CHAT: variants seen among roughly 807,000 people sequenced by gnomAD.
CHAT encodes choline O-acetyltransferase.
CHAT carries 61 observed loss-of-function variants against 76.9 expected under a neutral mutation model. That is an observed-to-expected ratio of 0.79 (90% CI 0.65 to 0.98). CHAT has a LOEUF of 0.98. Among genes scored for constraint, CHAT ranks in the 50% least tolerant of loss-of-function variants. The probability of loss-of-function intolerance (pLI) is 0.00; values close to 1 mark genes in which losing one functional copy is unlikely to be tolerated. For synonymous variants in CHAT, 407 were observed against 397.4 expected (o/e 1.02, Z -0.29); for missense variants, 946 against 986.9 (o/e 0.96, Z 0.56).
rs780662703 is a variant in CHAT at position 49,665,008 on chromosome 10, G to A, written c.2209G>A (p.Glu737Lys). The change falls in exon 15 of 15, where the codon GAA (glutamate) becomes AAA (lysine). Residue 737 changes from glutamate to lysine, a missense_variant. Around this residue, in one of 3 missense-constraint regions of CHAT, gnomAD observed 349 missense variants for 393.9 expected, o/e 0.89. Transcript: ENST00000337653. Reference protein sequence around the residue: ...PTESKPLATKEKATRPSQGHQ... With the variant: ...PTESKPLATKKKATRPSQGHQ... ...TGAGAGCAAGCCATTGGCAACAAAG[G>A]AAAAAGCCACGAGGCCCAGCCAGGG... 6.2e-7 allele frequency: 1 copy of A among 1,614,158 alleles called. No individual in the cohort carries two copies. Among genetic ancestry groups the A allele is most frequent in the Non-Finnish European group, 8.5e-7 (1 of 1,180,038 alleles).
chr10:49,616,600 T>C lies in CHAT; in HGVS notation c.385T>C (p.Ser129Pro). Residue 129 changes from serine (S) to proline (P), a missense_variant and splice_region_variant, in exon 2 of 15, where the codon TCT (serine) becomes CCT (proline). Around this residue, in one of 3 missense-constraint regions of CHAT, gnomAD observed 548 missense variants for 516.2 expected, o/e 1.06. Coordinates refer to ENST00000337653, the MANE Select transcript of CHAT (RefSeq NM_020549.5). ...AGCAAAAACTCCCAGCAGTGAGGAG[T>C]CTGTGAGTGACTTTTGGAGCCCTCT... Reference protein sequence around the residue: ...MAAKTPSSEESGLPKLPVPPL... With the variant: ...MAAKTPSSEEPGLPKLPVPPL... 1.2e-6 allele frequency: 2 copies of C among 1,602,354 alleles called. No individual in the cohort carries two copies. The highest frequency in any genetic ancestry group is 1.7e-6 in the Non-Finnish European group (2 of 1,171,928).
chr10:49,609,802 C>A (rs891474380), upstream of CHAT, among the ~76,000 whole-genome samples: 2 of 152,272 alleles, frequency 1.3e-5, no homozygotes, highest in African/African-American at 4.8e-5. Flanking sequence ...CAGCGCTCCT[C>A]CGGACGCGGC....
intron 7 of CHAT, chr10:49,637,462 A>G (rs544883418): frequency 6.6e-6 from 1 of 152,214 alleles, no homozygotes; most frequent in Non-Finnish European, 1.5e-5. Flanking sequence ...TGATTGGATC[A>G]TGAGAGCGGT....
rs3793799 is a variant in CHAT, at chr10:49,663,500, A to G, written c.1977+718A>G. ...ATGGACAGGGCCCTCTAAATAGGTC[A>G]CAGATATTATTATAAAGGGCCACGC... On this transcript the variant is annotated intron_variant, in intron 14 of 14. Transcript: ENST00000337653. Among the ~76,000 whole-genome samples, 198 of 152,318 alleles carry G rather than the reference A, an allele frequency of 1.3e-3. 4 individuals are homozygous for G. The East Asian group carries it at 0.035, about 27-fold the overall frequency.
intron 7 of CHAT, among the ~76,000 whole-genome samples, chr10:49,635,486 GTT>G (rs1347354408): frequency 2.0e-5 from 3 of 152,278 alleles, no homozygotes; most frequent in Non-Finnish European, 4.4e-5. Flanking sequence ...AGTATGTTTA[GTT>G]TTTTAAGAAA....
At chr10:49,621,024 A>G (rs1247243899) in intron 4 of CHAT, among the ~76,000 whole-genome samples, 1 of 152,220 alleles carries the variant, frequency 6.6e-6, no homozygotes, top group Admixed American at 6.5e-5. Flanking sequence ...CAGAGGCCCC[A>G]GAAGGCTGGA....
At position 49,658,724 on chromosome 10, in the gene CHAT, A is replaced by G. The variant is rs867969822; in HGVS notation, c.1839+3276A>G. ...ACTCCTTCTCAAAAAACAAACAAAC[A>G]AACAAAAACTTGAAATGAAAAAAGT... is the stretch of plus-strand genomic sequence containing the variant. On this transcript the variant is annotated intron_variant, in intron 13 of 14. Transcript: ENST00000337653. 8.5e-5 allele frequency among the ~76,000 whole-genome samples: 13 copies of G among 152,348 alleles called. No individual in the cohort carries two copies. In the Middle Eastern group the frequency reaches 0.01, roughly 120 times the overall value.
intron 13 of CHAT, among the ~76,000 whole-genome samples, chr10:49,660,079 A>G (rs987613734): frequency 2.0e-5 from 3 of 152,210 alleles, no homozygotes; most frequent in African/African-American, 7.2e-5. Context: ...CAAACTACAA[A>G]GAGTTAAAAC....
chr10:49,642,514 C>A (rs978725614), intron 7 of CHAT, among the ~76,000 whole-genome samples: 5 of 152,246 alleles, frequency 3.3e-5, no homozygotes, highest in African/African-American at 1.2e-4. Flanking sequence ...GCCTCCCCTG[C>A]CTGGAGGTGA....
chr10:49,654,358 T>C (rs4838547), intron 11 of CHAT, among the ~76,000 whole-genome samples: 65,869 of 152,082 alleles, frequency 0.43, 14,541 homozygotes, highest in East Asian at 0.69. Flanking sequence ...CTGGGTGACA[T>C]TGGGCTGTCA....
chr10:49,612,271 C>G (rs139485937), upstream of CHAT: 4 of 1,611,072 alleles, frequency 2.5e-6, no homozygotes, highest in Middle Eastern at 1.6e-4. Flanking sequence ...GGACGGCGAG[C>G]CTCGCAGCCC....
upstream of CHAT, among the ~76,000 whole-genome samples, chr10:49,612,895 G>C (rs760017698): frequency 1.3e-5 from 2 of 152,210 alleles, no homozygotes; most frequent in Non-Finnish European, 1.5e-5. Context: ...CCCAACAAAG[G>C]CTGTCACCCA....
rs545102380 is a variant in CHAT at position 49,623,037 on chromosome 10, C to G, written c.752+887C>G. Among the ~76,000 whole-genome samples the G allele has an allele frequency of 5.3e-5, 8 of 152,248 alleles. No individual in the cohort carries two copies. In the South Asian group the frequency reaches 1.7e-3, roughly 32 times the overall value. ...GTCAGGGTGGAGCAGTTCAGGCTGT[C>G]CAGGGCATTCTGCACCACACGCTCC... On this transcript the variant is annotated intron_variant, in intron 5 of 14. Transcript: ENST00000337653.
At chr10:49,639,096 G>A (rs371476530) in intron 7 of CHAT, among the ~76,000 whole-genome samples, 201 of 152,172 alleles carry the variant, frequency 1.3e-3, no homozygotes, top group African/African-American at 4.4e-3. Flanking sequence ...TTAGCCTGGC[G>A]TGGTGGCAGG....
chr10:49,663,249 A>ATT, intron 14 of CHAT, among the ~76,000 whole-genome samples: 1 of 152,242 alleles, frequency 6.6e-6, no homozygotes, highest in South Asian at 2.1e-4. Context: ...AAAAAGGAAG[A>ATT]AGAAGGTTTC....
chr10:49,652,133 T>C (rs1363219094), intron 11 of CHAT, 127 bp downstream of exon 11: 5 of 1,258,616 alleles, frequency 4.0e-6, no homozygotes, highest in Non-Finnish European at 5.7e-6. Flanking sequence ...GGAGAGGGAC[T>C]GAGGCTGCAT....
At chr10:49,611,457 C>T (rs770074384), upstream of CHAT, 2 of 1,598,416 alleles carry the variant, frequency 1.3e-6, no homozygotes, top group South Asian at 2.2e-5. Flanking sequence ...ATGAGTTCGC[C>T]GGCAAGCGCG....
intron 4 of CHAT, 108 bp downstream of exon 4, chr10:49,620,721 C>T (rs1838676280): frequency 7.9e-6 from 7 of 884,664 alleles, no homozygotes; most frequent in Non-Finnish European, 1.1e-5. Context: ...GGCTGAGCTT[C>T]CTGGGGTCAA....
Position 49,625,661 on chromosome 10 carries a change from A to T in CHAT, c.933+8A>T. ...GTAGCCTGCTGCAATCAGGTAAGCAACCCCTTGTCTTGGTGAGGGAGGGCA... is the reference window on the plus strand; with the variant it reads ...GTAGCCTGCTGCAATCAGGTAAGCATCCCCTTGTCTTGGTGAGGGAGGGCA... On this transcript the variant is annotated splice_region_variant and intron_variant, in intron 6 of 14. Transcript: ENST00000337653. 6.4e-7 allele frequency: 1 copy of T among 1,560,550 alleles called. No individual in the cohort carries two copies. Among genetic ancestry groups the T allele is most frequent in the Non-Finnish European group, 8.7e-7 (1 of 1,151,430 alleles).
Sources: gnomAD v4.1 joint callset for allele counts (sites outside exome capture counted in the v4.1 genomes callset) on GRCh38, gnomAD v4.1.1 for gene constraint, gnomAD v4.1.1 regional missense constraint, MANE v1.5 for transcripts, NCBI Gene and HGNC (gene_info 2026-07-23, HGNC 2026-07-21) for gene names.